Variants in OSBPL1A observed in about 807,000 individuals in gnomAD.
The protein encoded by OSBPL1A is oxysterol-binding protein-related protein 1.
A neutral mutation model predicts 137.1 loss-of-function variants in OSBPL1A; 80 were observed. The ratio of observed to expected loss-of-function variants is 0.58; its 90% CI spans 0.49 to 0.70. The LOEUF is 0.70. OSBPL1A is among the 30% of genes least tolerant of loss of function. The probability of loss-of-function intolerance (pLI) is 0.00; values close to 1 mark genes in which losing one functional copy is unlikely to be tolerated. For synonymous variants in OSBPL1A, 365 were observed against 389.7 expected (o/e 0.94, Z 0.75); for missense variants, 970 against 1,129.4 (o/e 0.86, Z 2.02).
At chr18:24,390,320 TAGG>T (rs1002892828) in intron 1 of OSBPL1A, among the ~76,000 whole-genome samples, 33 of 152,320 alleles carry the variant, frequency 2.2e-4, no homozygotes, top group Admixed American at 1.7e-3. Context: ...CCCATGTTCA[TAGG>T]AGAAGTAACC....
At chr18:24,218,601 G>A (rs982560154) in intron 17 of OSBPL1A, among the ~76,000 whole-genome samples, 3 of 152,152 alleles carry the variant, frequency 2.0e-5, no homozygotes, top group South Asian at 4.1e-4. Context: ...GCACTACTGC[G>A]CCTGGCTAAT....
intron 16 of OSBPL1A, among the ~76,000 whole-genome samples, chr18:24,230,095 T>C (rs558972552): frequency 1.3e-5 from 2 of 152,324 alleles, no homozygotes; most frequent in Admixed American, 1.3e-4. Flanking sequence ...TTCCCCCACA[T>C]ATAAACATCA....
intron 15 of OSBPL1A, among the ~76,000 whole-genome samples, chr18:24,244,206 T>C (rs1489516917): frequency 6.6e-6 from 1 of 152,248 alleles, no homozygotes; most frequent in Admixed American, 6.5e-5. Flanking sequence ...TTAATGTCTT[T>C]GTAATTCCAG....
chr18:24,341,799 A>G lies in OSBPL1A; in HGVS notation c.283-141T>C, dbSNP rs9962273. 4.2e-3 allele frequency: 2,142 copies of G among 505,020 alleles called. 40 individuals are homozygous for G. The highest frequency in any genetic ancestry group is 0.038 in the African/African-American group (1,927 of 51,076). The allele number at this position is 505,020 out of a possible 1,614,324, so 31.3% of individuals were successfully genotyped here. A position where few individuals can be genotyped will look rare whatever the true frequency, so the allele number is the denominator to read the frequency against. ...GAATGTATCACGTTATGTCTATAAT[A>G]AATGAGTGATTCAACTAATTGTGAT... On this transcript the variant is annotated intron_variant, in intron 4 of 27. Coordinates refer to ENST00000319481, the MANE Select transcript of OSBPL1A (RefSeq NM_080597.4).
chr18:24,396,742 A>C (rs1352814440), intron 1 of OSBPL1A, among the ~76,000 whole-genome samples: 1 of 152,168 alleles, frequency 6.6e-6, no homozygotes, highest in Non-Finnish European at 1.5e-5. Flanking sequence ...CAAAAAATTC[A>C]TTGTATCGGG....
chr18:24,271,359 G>T lies in OSBPL1A; in HGVS notation c.1281+9483C>A, dbSNP rs1189437351. ...TCAACTGAGAAACACATCAGTCCAC[G>T]GGCTTTTTCCCCAGGGGCTCTTCCT... On this transcript the variant is annotated intron_variant, in intron 15 of 27. Transcript: ENST00000319481. This position sits in a 1 kb window ranked among gnomAD's most constrained non-coding sequence, Gnocchi z 4.0. Among the ~76,000 whole-genome samples the T allele has an allele frequency of 6.6e-6, 1 of 152,146 alleles. No individual in the cohort carries two copies. Among genetic ancestry groups the T allele is most frequent in the Non-Finnish European group, 1.5e-5 (1 of 68,026 alleles).
At chr18:24,344,984 T>C (rs925856162) in intron 4 of OSBPL1A, among the ~76,000 whole-genome samples, 1 of 151,726 alleles carries the variant, frequency 6.6e-6, no homozygotes, top group African/African-American at 2.4e-5. Context: ...TGGCTAATTT[T>C]TACATTTTTT....
At chr18:24,285,364 T>A (rs1013316919) in intron 14 of OSBPL1A, among the ~76,000 whole-genome samples, 1 of 152,226 alleles carries the variant, frequency 6.6e-6, no homozygotes, top group African/African-American at 2.4e-5. Context: ...TCACTTATTA[T>A]ATTTTACCTT....
intron 1 of OSBPL1A, among the ~76,000 whole-genome samples, chr18:24,381,800 A>G (rs998263423): frequency 6.6e-6 from 1 of 151,608 alleles, no homozygotes; most frequent in Non-Finnish European, 1.5e-5. Context: ...ATCTCTACTA[A>G]AAATACAAAA....
rs200636180 is a variant in OSBPL1A, at chr18:24,267,859, T to TA, written c.1281+12982dup. Among the ~76,000 whole-genome samples, 1,373 of 150,254 alleles carry TA rather than the reference T, an allele frequency of 9.1e-3. 28 individuals are homozygous for TA. Among genetic ancestry groups the TA allele is most frequent in the African/African-American group, 0.032 (1,282 of 40,532 alleles). On this transcript the variant is annotated intron_variant, in intron 15 of 27. Transcript: ENST00000319481. ...AGAGGTATGCCTTTTTTTTTTTTTTTAAATCAGGGATGAACATGAATCCTA... is the reference window on the plus strand; with the variant it reads ...AGAGGTATGCCTTTTTTTTTTTTTTTAAAATCAGGGATGAACATGAATCCTA...
At chr18:24,212,515 A>G (rs995082442) in intron 17 of OSBPL1A, among the ~76,000 whole-genome samples, 3 of 152,204 alleles carry the variant, frequency 2.0e-5, no homozygotes, top group Non-Finnish European at 4.4e-5. Context: ...TGACTGCCTA[A>G]AAGTTCGATA....
chr18:24,309,621 G>A (rs1038463914), intron 13 of OSBPL1A, among the ~76,000 whole-genome samples: 1 of 152,110 alleles, frequency 6.6e-6, no homozygotes, highest in Non-Finnish European at 1.5e-5. Flanking sequence ...AATTTCACTG[G>A]AACTTAAAAA....
intron 4 of OSBPL1A, among the ~76,000 whole-genome samples, chr18:24,342,552 C>T (rs1488357116): frequency 6.6e-6 from 1 of 152,124 alleles, no homozygotes; most frequent in Non-Finnish European, 1.5e-5. Flanking sequence ...TGTTGCTACA[C>T]GTTATGCTGT....
intron 5 of OSBPL1A, among the ~76,000 whole-genome samples, chr18:24,339,883 G>A (rs2091244438): frequency 6.6e-6 from 1 of 152,172 alleles, no homozygotes; most frequent in Non-Finnish European, 1.5e-5. Flanking sequence ...ACTTTGTGTT[G>A]TTTTTTAAAC....
chr18:24,394,693 C>G (rs148473823), intron 1 of OSBPL1A, among the ~76,000 whole-genome samples: 1 of 152,118 alleles, frequency 6.6e-6, no homozygotes, highest in African/African-American at 2.4e-5. Context: ...CTCAATTAAA[C>G]TCATGTATAA....
At chr18:24,272,424 A>G (rs181544251) in intron 15 of OSBPL1A, among the ~76,000 whole-genome samples, 5 of 152,134 alleles carry the variant, frequency 3.3e-5, no homozygotes, top group Admixed American at 2.6e-4. Context: ...TTTATACCCT[A>G]GTTGGGACAC....
At chr18:24,326,104 T>C (rs1393058238) in intron 7 of OSBPL1A, among the ~76,000 whole-genome samples, 1 of 151,972 alleles carries the variant, frequency 6.6e-6, no homozygotes, top group African/African-American at 2.4e-5. Flanking sequence ...ATTTTCACTC[T>C]AGAAAAAAAA....
Position 24,196,332 on chromosome 18 carries a change from G to A in OSBPL1A, c.1602-132C>T, listed in dbSNP as rs1395502105. Reference sequence around the variant, plus strand: ...AAAAATGTGTGTCATCACAGACAGGGCTAAGCAGGGCTAATCTAGGGTTGC... The same window carrying A: ...AAAAATGTGTGTCATCACAGACAGGACTAAGCAGGGCTAATCTAGGGTTGC... On this transcript the variant is annotated intron_variant, in intron 17 of 27. Coordinates refer to ENST00000319481, the MANE Select transcript of OSBPL1A (RefSeq NM_080597.4). The A allele has an allele frequency of 9.4e-6, 6 of 637,550 alleles. No homozygotes were observed. The Admixed American group carries it at 1.1e-4, about 12-fold the overall frequency. 39.5% of individuals were successfully genotyped at this position (637,550 alleles called of 1,614,324 possible). A position where few individuals can be genotyped will look rare whatever the true frequency, so the allele number is the denominator to read the frequency against.
chr18:24,326,262 T>C (rs1449716315), intron 7 of OSBPL1A, among the ~76,000 whole-genome samples: 1 of 152,220 alleles, frequency 6.6e-6, no homozygotes, highest in African/African-American at 2.4e-5. Flanking sequence ...AGTGGAATTT[T>C]ATCAGGCCAA....
Sources: gnomAD v4.1 joint callset for allele counts (sites outside exome capture counted in the v4.1 genomes callset) on GRCh38, gnomAD v4.1.1 for gene constraint, Gnocchi (gnomAD v3.1) non-coding constraint, MANE v1.5 for transcripts, NCBI Gene and HGNC (gene_info 2026-07-23, HGNC 2026-07-21) for gene names.